Variants in ARIH1 observed in about 807,000 individuals in gnomAD.
ARIH1 encodes ariadne RBR E3 ubiquitin protein ligase 1.
A neutral mutation model predicts 85.0 loss-of-function variants in ARIH1; 8 were observed. The observed-to-expected ratio is 0.09, with a 90% CI of 0.06 to 0.17. The LOEUF is 0.17. Ranked by LOEUF, ARIH1 falls within the 10% of genes least tolerant of loss-of-function variation. The pLI, the probability that ARIH1 is intolerant of heterozygous loss-of-function variation, is 1.00. For missense variants in ARIH1, 311 were observed against 718.1 expected, an observed-to-expected ratio of 0.43 and a Z score of 6.48; for synonymous variants, 238 against 253.6, an observed-to-expected ratio of 0.94 and a Z score of 0.59.
In ARIH1 at chr15:72,586,322, A is replaced by G. The variant is rs2064316600; in HGVS notation, c.*3030A>G. The G allele has an allele frequency of 6.6e-6, 1 of 152,152 alleles. No individual in the cohort carries two copies. Among genetic ancestry groups the G allele is most frequent in the South Asian group, 2.1e-4 (1 of 4,830 alleles). 9.4% of individuals were successfully genotyped at this position (152,152 alleles called of 1,614,324 possible). On this transcript the variant is annotated 3_prime_UTR_variant, in exon 14 of 14. Coordinates refer to ENST00000379887, the MANE Select transcript of ARIH1 (RefSeq NM_005744.5). ...GAGGGAAAAGGAGTTAATGTAACAAATTATTTTAGCTACAAACCCCGGTAA... is the reference window on the plus strand; with the variant it reads ...GAGGGAAAAGGAGTTAATGTAACAAGTTATTTTAGCTACAAACCCCGGTAA...
chr15:72,546,937 G>T (rs939558578), intron 3 of ARIH1, among the ~76,000 whole-genome samples: 17 of 57,476 alleles, frequency 3.0e-4, no homozygotes, highest in African/African-American at 4.4e-4. Flanking sequence ...TTTTTGGAGG[G>T]GGGGGGGTGG....
intron 1 of ARIH1, among the ~76,000 whole-genome samples, chr15:72,487,068 A>G (rs567215212): frequency 6.6e-6 from 1 of 151,584 alleles, no homozygotes; most frequent in African/African-American, 2.4e-5. Flanking sequence ...ATTTTCTCCT[A>G]TTATTATTAT....
intron 2 of ARIH1, among the ~76,000 whole-genome samples, chr15:72,538,127 G>A (rs1007791888): frequency 2.6e-5 from 4 of 152,164 alleles, no homozygotes; most frequent in Non-Finnish European, 4.4e-5. Flanking sequence ...ACTTTGGGAG[G>A]CTGAGGTGGG....
chr15:72,537,828 C>A (rs1435175329), intron 2 of ARIH1, among the ~76,000 whole-genome samples: 1 of 152,046 alleles, frequency 6.6e-6, no homozygotes, highest in Non-Finnish European at 1.5e-5. Context: ...AATCCGATAC[C>A]CATAAACTGC....
chr15:72,521,324 C>T (rs1169576525), intron 2 of ARIH1, among the ~76,000 whole-genome samples: 3 of 148,558 alleles, frequency 2.0e-5, no homozygotes, highest in South Asian at 4.3e-4. Context: ...AACTTTAAGT[C>T]CTATAATAGA....
intron 1 of ARIH1, among the ~76,000 whole-genome samples, chr15:72,507,314 A>G (rs968775159): frequency 6.8e-4 from 104 of 152,238 alleles, no homozygotes; most frequent in African/African-American, 2.4e-3. Flanking sequence ...GTGAGCCACC[A>G]TGCCTGGCTT....
chr15:72,544,235 A>G (rs2064119580), intron 2 of ARIH1, among the ~76,000 whole-genome samples: 1 of 152,186 alleles, frequency 6.6e-6, no homozygotes, highest in African/African-American at 2.4e-5. Context: ...AAGCAAGTCT[A>G]TTATGTAAAA....
At chr15:72,493,025 T>C (rs906375041) in intron 1 of ARIH1, among the ~76,000 whole-genome samples, 20 of 152,162 alleles carry the variant, frequency 1.3e-4, no homozygotes, top group African/African-American at 4.6e-4. Flanking sequence ...TATCAAGTAC[T>C]ACCTCCCTGG....
intron 3 of ARIH1, among the ~76,000 whole-genome samples, chr15:72,554,323 C>T (rs940318581): frequency 1.3e-5 from 2 of 152,170 alleles, no homozygotes; most frequent in African/African-American, 4.8e-5. Context: ...TACCATTTTA[C>T]ATTTCCATCA....
chr15:72,576,523 A>C (rs1419206524), intron 11 of ARIH1, among the ~76,000 whole-genome samples: 1 of 151,712 alleles, frequency 6.6e-6, no homozygotes, highest in Non-Finnish European at 1.5e-5. Context: ...AAAAAAAAAA[A>C]AAAAAAACCC....
intron 1 of ARIH1, among the ~76,000 whole-genome samples, chr15:72,487,730 T>G (rs2063843072): frequency 6.6e-6 from 1 of 152,232 alleles, no homozygotes; most frequent in Non-Finnish European, 1.5e-5. Context: ...TTAGGACCTT[T>G]TTATTTTGCC....
intron 1 of ARIH1, among the ~76,000 whole-genome samples, chr15:72,475,965 TCTC>T (rs2063793492): frequency 6.6e-6 from 1 of 152,140 alleles, no homozygotes; most frequent in East Asian, 1.9e-4. Flanking sequence ...AAACCTCAGT[TCTC>T]CTGAGGAGTC....
chr15:72,489,906 A>C (rs1197794616), intron 1 of ARIH1, among the ~76,000 whole-genome samples: 1 of 152,224 alleles, frequency 6.6e-6, no homozygotes. Flanking sequence ...TTTTTAGGAA[A>C]GGGAAATATT....
chr15:72,531,208 C>T (rs995651605), intron 2 of ARIH1, among the ~76,000 whole-genome samples: 5 of 152,044 alleles, frequency 3.3e-5, no homozygotes, highest in Admixed American at 6.6e-5. Flanking sequence ...AATTTCAGCA[C>T]GAAAGCATTT....
At chr15:72,489,549 T>G (rs1020622865) in intron 1 of ARIH1, among the ~76,000 whole-genome samples, 3 of 152,342 alleles carry the variant, frequency 2.0e-5, no homozygotes, top group Middle Eastern at 6.8e-3. Context: ...ATTACTAGTT[T>G]TCTAAGTCTT....
intron 2 of ARIH1, among the ~76,000 whole-genome samples, chr15:72,540,057 A>G (rs903030481): frequency 3.9e-5 from 6 of 152,114 alleles, no homozygotes; most frequent in African/African-American, 1.4e-4. Flanking sequence ...CAGGAGTTCG[A>G]GACCAGCCTA....
intron 5 of ARIH1, among the ~76,000 whole-genome samples, chr15:72,558,293 G>A (rs1387558610): frequency 2.0e-5 from 3 of 152,114 alleles, no homozygotes; most frequent in Non-Finnish European, 4.4e-5. Flanking sequence ...TGAGATGATC[G>A]TATGGTTTTT....
chr15:72,497,459 TA>T (rs11321448), intron 1 of ARIH1, among the ~76,000 whole-genome samples: 116,714 of 151,092 alleles, frequency 0.77, 51,211 homozygotes, highest in Non-Finnish European at 0.96. Flanking sequence ...ATTTCTGGCT[TA>T]AAAAAAAAAC....
chr15:72,536,875 T>A (rs1235777466), intron 2 of ARIH1, among the ~76,000 whole-genome samples: 2 of 152,218 alleles, frequency 1.3e-5, no homozygotes, highest in African/African-American at 4.8e-5. Flanking sequence ...GCTGTTTTTT[T>A]AGGTTTTATT....
Sources: allele counts gnomAD v4.1 joint callset (sites outside exome capture counted in the v4.1 genomes callset), GRCh38; gene constraint gnomAD v4.1.1; transcripts MANE v1.5; gene names NCBI Gene and HGNC (gene_info 2026-07-23, HGNC 2026-07-21).